CHN2: variants seen among roughly 807,000 people sequenced by gnomAD.
CHN2 encodes the protein chimerin 2.
In CHN2, 35 loss-of-function variants were observed where a neutral mutation model predicts 56.3. The ratio of observed to expected loss-of-function variants is 0.62; its 90% confidence interval spans 0.47 to 0.82. The LOEUF (loss-of-function observed/expected upper bound fraction) is 0.82. Ranked by LOEUF, CHN2 falls within the 40% of genes least tolerant of loss-of-function variation. The probability of loss-of-function intolerance (pLI) is 0.00; values close to 1 mark genes in which losing one functional copy is unlikely to be tolerated. For synonymous variants in CHN2, 210 were observed against 212.8 expected (o/e 0.99, Z 0.12); for missense variants, 491 against 580.5 (o/e 0.85, Z 1.58).
chr7:29,265,946 T>TAAC (rs1295518902), intron 1 of CHN2, among the ~76,000 whole-genome samples: 1 of 152,216 alleles, frequency 6.6e-6, no homozygotes, highest in East Asian at 1.9e-4. Flanking sequence ...CTTGTGCCTG[T>TAAC]AGTCTCAGCT....
chr7:29,441,452 A>G (rs909867795), intron 6 of CHN2, among the ~76,000 whole-genome samples: 1 of 152,254 alleles, frequency 6.6e-6, no homozygotes, highest in Non-Finnish European at 1.5e-5. Flanking sequence ...AGAAAGAAAC[A>G]TAGAAAATTG....
chr7:29,351,971 G>A (rs1340419562), intron 1 of CHN2, among the ~76,000 whole-genome samples: 1 of 152,124 alleles, frequency 6.6e-6, no homozygotes, highest in Non-Finnish European at 1.5e-5. Flanking sequence ...TGTTTACGTA[G>A]CCCACAGCCT....
intron 2 of CHN2, among the ~76,000 whole-genome samples, chr7:29,175,742 G>A (rs1290358755): frequency 6.6e-6 from 1 of 151,976 alleles, no homozygotes; most frequent in Non-Finnish European, 1.5e-5. Flanking sequence ...CCCAAGCGGA[G>A]CACAGGGAAA....
chr7:29,177,691 C>T (rs1267101566), intron 2 of CHN2, among the ~76,000 whole-genome samples: 1 of 151,790 alleles, frequency 6.6e-6, no homozygotes, highest in East Asian at 1.9e-4. Context: ...TCCATCCATC[C>T]ATCTGTGCAG....
intron 3 of CHN2, among the ~76,000 whole-genome samples, chr7:29,370,379 T>C (rs558043784): frequency 2.0e-4 from 30 of 152,272 alleles, no homozygotes; most frequent in African/African-American, 7.2e-4. Context: ...GCCAGGGAGA[T>C]TGAAGCTTTA....
intron 6 of CHN2, among the ~76,000 whole-genome samples, chr7:29,468,765 C>T (rs76617099): frequency 0.023 from 3,460 of 152,204 alleles, 129 homozygotes; most frequent in African/African-American, 0.076. Context: ...CCCCTGTGGT[C>T]CTTTCTCACT....
At chr7:29,353,516 G>A (rs1425934520) in intron 1 of CHN2, among the ~76,000 whole-genome samples, 2 of 152,162 alleles carry the variant, frequency 1.3e-5, no homozygotes, top group Non-Finnish European at 2.9e-5. Context: ...TTGGCTGGGT[G>A]TGGTGGCGCA....
intron 1 of CHN2, among the ~76,000 whole-genome samples, chr7:29,296,575 C>A (rs1205926341): frequency 6.6e-6 from 1 of 152,188 alleles, no homozygotes; most frequent in Admixed American, 6.5e-5. Flanking sequence ...GAGAGCATTT[C>A]CCTAACAGAC....
chr7:29,511,778 C>T lies in CHN2; in HGVS notation c.1236-786C>T, dbSNP rs553952724. On this transcript the variant is annotated intron_variant, in intron 12 of 12. Coordinates refer to ENST00000222792, the MANE Select transcript of CHN2 (RefSeq NM_004067.4). ...TTTTTGGAGAACCCATTCCCTTTTA[C>T]ATCTATTATGAACATTCTAAAACTT... Among the ~76,000 whole-genome samples the T allele has an allele frequency of 3.9e-5, 6 of 152,086 alleles. 1 individual carries two copies. The South Asian group carries it at 1.2e-3, about 32-fold the overall frequency.
At chr7:29,226,730 T>G (rs1305825346) in intron 1 of CHN2, among the ~76,000 whole-genome samples, 2 of 152,250 alleles carry the variant, frequency 1.3e-5, no homozygotes, top group African/African-American at 4.8e-5. Context: ...CTGGTGATCC[T>G]AATTTTGCTC....
intron 7 of CHN2, 136 bp from the exon 8 acceptor site, chr7:29,495,816 T>C: frequency 1.5e-6 from 1 of 681,672 alleles, no homozygotes; most frequent in Non-Finnish European, 2.6e-6. Context: ...TTTCTCAGGA[T>C]CTGTTTGCAA....
chr7:29,262,961 T>G (rs1554382296), intron 1 of CHN2, among the ~76,000 whole-genome samples: 2 of 152,132 alleles, frequency 1.3e-5, no homozygotes, highest in Non-Finnish European at 2.9e-5. Flanking sequence ...ATGGTAAAAT[T>G]TATGTTATAT....
intron 1 of CHN2, among the ~76,000 whole-genome samples, chr7:29,251,299 C>T (rs980228060): frequency 1.3e-5 from 2 of 151,780 alleles, no homozygotes; most frequent in African/African-American, 2.4e-5. Flanking sequence ...CAAGAAAATA[C>T]AAAAGTTAGC....
Position 29,249,144 on chromosome 7 carries a change from T to G in CHN2, c.49+54154T>G, listed in dbSNP as rs548975659. Among the ~76,000 whole-genome samples, 46 of 152,214 alleles carry G rather than the reference T, an allele frequency of 3.0e-4. 2 individuals are homozygous for G. The South Asian group carries it at 9.6e-3, about 32-fold the overall frequency. ...TGGTTATAGAGGCCGAGAAGCCCCATGACAGCCCATCTGCAAGCTGGAGAC... is the reference window on the plus strand; with the variant it reads ...TGGTTATAGAGGCCGAGAAGCCCCAGGACAGCCCATCTGCAAGCTGGAGAC... On this transcript the variant is annotated intron_variant, in intron 1 of 12. Coordinates refer to ENST00000222792, the MANE Select transcript of CHN2 (RefSeq NM_004067.4).
At chr7:29,202,391 A>G (rs1784228600) in intron 1 of CHN2, among the ~76,000 whole-genome samples, 1 of 152,248 alleles carries the variant, frequency 6.6e-6, no homozygotes. Context: ...AATGCATGCA[A>G]ATAAGATGCA....
chr7:29,507,520 T>C (rs368961084), intron 11 of CHN2, among the ~76,000 whole-genome samples, 155 bp downstream of exon 11: 3 of 152,240 alleles, frequency 2.0e-5, no homozygotes, highest in Non-Finnish European at 4.4e-5. Flanking sequence ...CCAGGCATAG[T>C]TCAACAGCTG....
At chr7:29,486,955 G>C (rs1788083794) in intron 7 of CHN2, among the ~76,000 whole-genome samples, 1 of 152,174 alleles carries the variant, frequency 6.6e-6, no homozygotes, top group Non-Finnish European at 1.5e-5. Flanking sequence ...TTTGGAAGAA[G>C]ACTTTTTGCT....
At chr7:29,391,289 A>G (rs1801341414) in intron 3 of CHN2, among the ~76,000 whole-genome samples, 1 of 143,336 alleles carries the variant, frequency 7.0e-6, no homozygotes, top group Non-Finnish European at 1.5e-5. Flanking sequence ...GAGAGTGGGG[A>G]AGAGAGGGAG....
At chr7:29,504,716 A>C in intron 9 of CHN2, 28 bp from the exon 10 acceptor site, 1 of 1,455,710 alleles carries the variant, frequency 6.9e-7, no homozygotes, top group Non-Finnish European at 9.4e-7. Flanking sequence ...AAGAAGCTAA[A>C]GTCAGTCTCT....
Sources: allele counts gnomAD v4.1 joint callset (sites outside exome capture counted in the v4.1 genomes callset), GRCh38; gene constraint gnomAD v4.1.1; transcripts MANE v1.5; gene names NCBI Gene and HGNC (gene_info 2026-07-23, HGNC 2026-07-21).